The following SEMA6D variants were observed in gnomAD, a reference collection of about 807,000 sequenced individuals.
The protein encoded by SEMA6D is semaphorin 6D.
In SEMA6D, 35 loss-of-function variants were observed where a neutral mutation model predicts 106.6. The observed-to-expected ratio is 0.33, with a 90% CI of 0.25 to 0.44. The LOEUF is 0.44. Among genes scored for constraint, SEMA6D ranks in the 20% least tolerant of loss-of-function variants. SEMA6D has a pLI of 1.00. For synonymous variants in SEMA6D, 499 were observed against 487.7 expected, an observed-to-expected ratio of 1.02 and a Z score of -0.31; for missense variants, 1,185 against 1,345.9, an observed-to-expected ratio of 0.88 and a Z score of 1.87.
chr15:47,711,442 A>T (rs2079022583), intron 4 of SEMA6D, among the ~76,000 whole-genome samples: 1 of 152,182 alleles, frequency 6.6e-6, no homozygotes, highest in Non-Finnish European at 1.5e-5. Context: ...ACCAAACAAA[A>T]GTTAAACAAA....
intron 1 of SEMA6D, among the ~76,000 whole-genome samples, chr15:47,256,461 A>C (rs2033807794): frequency 6.6e-6 from 1 of 152,216 alleles, no homozygotes; most frequent in African/African-American, 2.4e-5. Flanking sequence ...TCTTTGGAGC[A>C]GTTACAATTT....
At chr15:47,251,919 T>TGCGA (rs1566951928) in intron 1 of SEMA6D, among the ~76,000 whole-genome samples, 3 of 134,634 alleles carry the variant, frequency 2.2e-5, no homozygotes, top group African/African-American at 8.5e-5. Context: ...TTTTTTTTTT[T>TGCGA]TTTTTTTTTT....
intron 3 of SEMA6D, among the ~76,000 whole-genome samples, chr15:47,479,589 T>C (rs544731234): frequency 7.9e-5 from 12 of 152,328 alleles, no homozygotes; most frequent in Non-Finnish European, 1.0e-4. Context: ...ATTTGTATTA[T>C]GTCTATGTAA....
chr15:47,671,759 G>T (rs1369459254), intron 4 of SEMA6D, among the ~76,000 whole-genome samples: 1 of 152,120 alleles, frequency 6.6e-6, no homozygotes, highest in Non-Finnish European at 1.5e-5. Context: ...CAATAAAACG[G>T]AATTGAAGAG....
At chr15:47,682,485 T>C (rs1268110139) in intron 4 of SEMA6D, among the ~76,000 whole-genome samples, 1 of 152,162 alleles carries the variant, frequency 6.6e-6, no homozygotes, top group African/African-American at 2.4e-5. Flanking sequence ...CACTTTTGTG[T>C]CAGTTATCTT....
intron 3 of SEMA6D, among the ~76,000 whole-genome samples, chr15:47,561,375 A>G (rs1350300026): frequency 1.3e-5 from 2 of 152,104 alleles, no homozygotes; most frequent in Non-Finnish European, 2.9e-5. Flanking sequence ...AATCTTCTAT[A>G]TCCAGCAAAA....
intron 3 of SEMA6D, among the ~76,000 whole-genome samples, chr15:47,552,596 G>C (rs1308609667): frequency 6.8e-6 from 1 of 146,882 alleles, no homozygotes; most frequent in Non-Finnish European, 1.5e-5. Context: ...ATGTGTGTCT[G>C]CCTGTGCACA....
At chr15:47,304,261 T>C (rs1339828706) in intron 1 of SEMA6D, among the ~76,000 whole-genome samples, 1 of 151,744 alleles carries the variant, frequency 6.6e-6, no homozygotes, top group East Asian at 1.9e-4. Context: ...CTGGCCAACA[T>C]AGTGAAACCC....
rs12903499 is a variant in SEMA6D, at chr15:47,619,673, A to C, written c.-55+18777A>C. Among the ~76,000 whole-genome samples the C allele has an allele frequency of 1.5e-3, 226 of 152,186 alleles. 3 individuals are homozygous for C. The highest frequency in any genetic ancestry group is 5.3e-3 in the African/African-American group (219 of 41,550). On this transcript the variant is annotated intron_variant, in intron 4 of 19. Coordinates refer to the SEMA6D transcript ENST00000558014. ...AGAAGTCTGTTTTTAACAAGCCATCATGGTGATTTGGTTTGCTCGCTAAAG... is the reference window on the plus strand; with the variant it reads ...AGAAGTCTGTTTTTAACAAGCCATCCTGGTGATTTGGTTTGCTCGCTAAAG...
At chr15:47,661,678 G>T (rs1281703756) in intron 4 of SEMA6D, among the ~76,000 whole-genome samples, 3 of 152,250 alleles carry the variant, frequency 2.0e-5, no homozygotes, top group Admixed American at 6.5e-5. Context: ...TGACCAGCTT[G>T]TGTCCTGAGA....
chr15:47,351,097 A>G (rs188135287), intron 1 of SEMA6D, among the ~76,000 whole-genome samples: 14 of 152,158 alleles, frequency 9.2e-5, no homozygotes, highest in African/African-American at 3.4e-4. Context: ...ATGAATACCC[A>G]ATGTTTTCTT....
chr15:47,743,110 G>C (rs565103496), intron 1 of SEMA6D, among the ~76,000 whole-genome samples: 1 of 152,098 alleles, frequency 6.6e-6, no homozygotes, highest in South Asian at 2.1e-4. Context: ...GAAATGGGCC[G>C]GACAATATCA....
At chr15:47,704,280 C>T (rs1384119142) in intron 4 of SEMA6D, among the ~76,000 whole-genome samples, 4 of 152,074 alleles carry the variant, frequency 2.6e-5, no homozygotes, top group Non-Finnish European at 1.5e-5. Flanking sequence ...GCCACCATGC[C>T]CAGCCTACAG....
At chr15:47,275,413 A>G (rs1204517146) in intron 1 of SEMA6D, among the ~76,000 whole-genome samples, 3 of 152,126 alleles carry the variant, frequency 2.0e-5, no homozygotes, top group Non-Finnish European at 4.4e-5. Flanking sequence ...CTCTGTGTTG[A>G]ACAAGTTTAT....
At chr15:47,327,621 G>A (rs543448131) in intron 1 of SEMA6D, among the ~76,000 whole-genome samples, 46 of 152,146 alleles carry the variant, frequency 3.0e-4, no homozygotes, top group Non-Finnish European at 4.9e-4. Context: ...ATAAAAACAA[G>A]GTAAATATTA....
In SEMA6D at chr15:47,578,202, G is replaced by A. The variant is rs115005079; in HGVS notation, c.-86-22663G>A. 3.7e-3 allele frequency among the ~76,000 whole-genome samples: 562 copies of A among 152,288 alleles called. 7 individuals carry two copies. The highest frequency in any genetic ancestry group is 0.013 in the African/African-American group (548 of 41,562). ...ATCTTGTGATCTTAACCATCTCATT[G>A]AACTATCTCAATTCAGCTAATGAGT... On this transcript the variant is annotated intron_variant, in intron 3 of 19. Transcript: ENST00000558014.
At chr15:47,489,773 T>A (rs1374948417) in intron 3 of SEMA6D, among the ~76,000 whole-genome samples, 1 of 152,014 alleles carries the variant, frequency 6.6e-6, no homozygotes, top group African/African-American at 2.4e-5. Flanking sequence ...TGCCTCAGCC[T>A]CCCGAGTAGC....
intron 3 of SEMA6D, among the ~76,000 whole-genome samples, chr15:47,551,195 T>C (rs1451187485): frequency 6.6e-6 from 1 of 152,142 alleles, no homozygotes; most frequent in Non-Finnish European, 1.5e-5. Flanking sequence ...ATCCATTCTC[T>C]CATGATTAGA....
chr15:47,749,914 G>C (rs2081340568), intron 1 of SEMA6D, among the ~76,000 whole-genome samples: 1 of 152,164 alleles, frequency 6.6e-6, no homozygotes, highest in Admixed American at 6.6e-5. Flanking sequence ...GGAAGAACTA[G>C]GGGAGTCACA....
Sources: allele counts gnomAD v4.1 joint callset (sites outside exome capture counted in the v4.1 genomes callset), GRCh38; gene constraint gnomAD v4.1.1; transcripts MANE v1.5; gene names NCBI Gene and HGNC (gene_info 2026-07-23, HGNC 2026-07-21).